Variants in UBR1 observed in about 807,000 individuals in gnomAD.
The protein encoded by UBR1 is ubiquitin protein ligase E3 component n-recognin 1, also known as E3 ubiquitin-protein ligase UBR1.
In UBR1, 102 loss-of-function variants were observed where a neutral mutation model predicts 242.1. The ratio of observed to expected loss-of-function variants is 0.42; its 90% confidence interval spans 0.36 to 0.50. The LOEUF is 0.50. Among genes scored for constraint, UBR1 ranks in the 20% least tolerant of loss-of-function variants. UBR1 has a pLI of 0.01. For missense variants in UBR1, 1,772 were observed against 2,101.8 expected (o/e 0.84, Z 3.07); for synonymous variants, 675 against 684.8 (o/e 0.99, Z 0.22).
At chr15:43,034,474 T>C (rs746453741) in intron 19 of UBR1, among the ~76,000 whole-genome samples, 20 of 152,002 alleles carry the variant, frequency 1.3e-4, no homozygotes, top group Admixed American at 3.3e-4. Context: ...ATAAAATTTG[T>C]ATATTACCTC....
chr15:42,970,653 T>C (rs2032189506), intron 39 of UBR1, 46 bp from the exon 40 acceptor site: 1 of 1,528,008 alleles, frequency 6.5e-7, no homozygotes, highest in Non-Finnish European at 9.1e-7. Context: ...TGCTATTCAG[T>C]TTACAAATTA....
chr15:43,044,882 G>A (rs563602837), intron 14 of UBR1, among the ~76,000 whole-genome samples: 68 of 151,708 alleles, frequency 4.5e-4, no homozygotes, highest in African/African-American at 1.3e-3. Flanking sequence ...GTGACAGAGC[G>A]AGACTCCATC....
intron 11 of UBR1, among the ~76,000 whole-genome samples, chr15:43,055,715 G>C (rs1161620842): frequency 6.6e-6 from 1 of 152,120 alleles, no homozygotes; most frequent in Non-Finnish European, 1.5e-5. Context: ...AGGAGTTTGA[G>C]ACCAGCCTGG....
intron 28 of UBR1, 46 bp downstream of exon 28, chr15:43,017,049 C>G (rs899457520): frequency 2.7e-6 from 4 of 1,491,178 alleles, no homozygotes; most frequent in Non-Finnish European, 2.8e-6. Flanking sequence ...AGTTCAAAGA[C>G]AGAGATGAAT....
At chr15:43,009,903 G>A (rs1195352668) in intron 29 of UBR1, among the ~76,000 whole-genome samples, 2 of 152,196 alleles carry the variant, frequency 1.3e-5, no homozygotes. Flanking sequence ...ACAGAGTCTT[G>A]CACTGTTGCC....
chr15:43,103,058 C>T (rs1483286615), intron 1 of UBR1, among the ~76,000 whole-genome samples: 1 of 152,166 alleles, frequency 6.6e-6, no homozygotes, highest in Admixed American at 6.5e-5. Flanking sequence ...ATTCCAGCTA[C>T]TTGGGAGGCT....
chr15:43,072,153 C>T (rs2033831295), intron 4 of UBR1, among the ~76,000 whole-genome samples: 1 of 151,636 alleles, frequency 6.6e-6, no homozygotes, highest in Non-Finnish European at 1.5e-5. Flanking sequence ...CACCCAGCCA[C>T]CATAATAAGC....
chr15:42,995,392 G>C (rs1344813993), intron 33 of UBR1, among the ~76,000 whole-genome samples: 3 of 151,912 alleles, frequency 2.0e-5, no homozygotes, highest in Non-Finnish European at 4.4e-5. Context: ...GGGCACGGTG[G>C]CTCACGCCTG....
At chr15:43,088,163 TAC>T (rs1475418166) in intron 1 of UBR1, among the ~76,000 whole-genome samples, 1 of 152,262 alleles carries the variant, frequency 6.6e-6, no homozygotes, top group Non-Finnish European at 1.5e-5. Context: ...ACATTTCATG[TAC>T]AGTTATTCAT....
chr15:42,966,540 T>C (rs1416967304), intron 40 of UBR1, among the ~76,000 whole-genome samples: 1 of 152,100 alleles, frequency 6.6e-6, no homozygotes, highest in Non-Finnish European at 1.5e-5. Context: ...TAGCCGGGCA[T>C]GGTGGTGGGC....
chr15:43,064,424 T>C (rs1471507379), intron 6 of UBR1, among the ~76,000 whole-genome samples: 1 of 151,806 alleles, frequency 6.6e-6, no homozygotes, highest in Non-Finnish European at 1.5e-5. Flanking sequence ...AGGAAAAAAA[T>C]TTTTCTAAGA....
chr15:43,067,774 G>T, intron 6 of UBR1, 124 bp downstream of exon 6: 3 of 1,057,054 alleles, frequency 2.8e-6, no homozygotes, highest in Non-Finnish European at 4.2e-6. Flanking sequence ...ATTTACCTAG[G>T]ATGTAAGGAA....
intron 42 of UBR1, among the ~76,000 whole-genome samples, chr15:42,962,975 G>A (rs999930385): frequency 6.6e-6 from 1 of 152,084 alleles, no homozygotes; most frequent in Non-Finnish European, 1.5e-5. Context: ...AGATACAGAG[G>A]GCAAGGACTT....
intron 36 of UBR1, among the ~76,000 whole-genome samples, chr15:42,984,479 T>C (rs1422231715): frequency 3.9e-5 from 6 of 152,242 alleles, no homozygotes; most frequent in Non-Finnish European, 8.8e-5. Context: ...TGTCAGTATC[T>C]GCCCATCAAG....
chr15:42,977,963 A>G lies in UBR1; in HGVS notation c.4151-16T>C, dbSNP rs752507146. 6.2e-7 allele frequency: 1 copy of G among 1,601,524 alleles called. No individual in the cohort carries two copies. Among genetic ancestry groups the G allele is most frequent in the Admixed American group, 1.7e-5 (1 of 59,982 alleles). On this transcript the variant is annotated splice_polypyrimidine_tract_variant and intron_variant, in intron 37 of 46. Transcript: ENST00000290650. ...GGAAGAACAACTAAAACAAACAAAA[A>G]GTTAATGTAATTCAGTCAGTAAGAT...
chr15:43,031,251 A>G (rs2033253135), intron 20 of UBR1, among the ~76,000 whole-genome samples: 1 of 152,212 alleles, frequency 6.6e-6, no homozygotes, highest in South Asian at 2.1e-4. Context: ...CTAAAAATCA[A>G]ATCACAAGAA....
chr15:42,957,997 T>TAC lies in UBR1; in HGVS notation c.4835+14_4835+15dup. The TAC allele has an allele frequency of 6.3e-7, 1 of 1,598,356 alleles. No homozygotes were observed. The highest frequency in any genetic ancestry group is 8.6e-7 in the Non-Finnish European group (1 of 1,166,648). ...TGATTTAAAATTACACACATATATA[T>TAC]ACACACTCTCCTTACCTGAAATGAG... On this transcript the variant is annotated intron_variant, in intron 44 of 46. Coordinates refer to ENST00000290650, the MANE Select transcript of UBR1 (RefSeq NM_174916.3).
chr15:42,995,527 G>C (rs996248792), intron 33 of UBR1, among the ~76,000 whole-genome samples: 2 of 151,890 alleles, frequency 1.3e-5, no homozygotes, highest in Non-Finnish European at 2.9e-5. Flanking sequence ...AATTAGCTGG[G>C]CGCGGTGGCA....
intron 43 of UBR1, 44 bp from the exon 44 acceptor site, chr15:42,958,134 C>G (rs1207566596): frequency 1.4e-6 from 2 of 1,458,794 alleles, no homozygotes; most frequent in Non-Finnish European, 1.9e-6. Flanking sequence ...GAGTAAATAA[C>G]CCCAGATCAA....
Sources: allele counts gnomAD v4.1 joint callset (sites outside exome capture counted in the v4.1 genomes callset), GRCh38; gene constraint gnomAD v4.1.1; transcripts MANE v1.5; gene names NCBI Gene and HGNC (gene_info 2026-07-23, HGNC 2026-07-21).